SRFBP1: variants seen among roughly 807,000 people sequenced by gnomAD.
SRFBP1 encodes the protein serum response factor-binding protein 1.
Under a neutral mutation model 45.5 loss-of-function variants are expected in SRFBP1, and 47 were observed. That is an observed-to-expected ratio of 1.03 (90% CI 0.82 to 1.32). SRFBP1 has a LOEUF of 1.32. Among genes scored for constraint, SRFBP1 ranks in the 40% most tolerant of loss-of-function variants. The pLI is 0.00. For missense variants in SRFBP1, 621 were observed against 484.6 expected, an observed-to-expected ratio of 1.28 and a Z score of -2.64; for synonymous variants, 203 against 166.3, an observed-to-expected ratio of 1.22 and a Z score of -1.70.
At chr5:121,986,964 G>A (rs548701497) in intron 3 of SRFBP1, among the ~76,000 whole-genome samples, 1 of 152,184 alleles carries the variant, frequency 6.6e-6, no homozygotes, top group Non-Finnish European at 1.5e-5. Flanking sequence ...TTAAATTAGA[G>A]CAGTTAGAGC....
intron 2 of SRFBP1, among the ~76,000 whole-genome samples, chr5:122,061,916 A>G (rs1160714198): frequency 6.6e-6 from 1 of 151,948 alleles, no homozygotes; most frequent in East Asian, 1.9e-4. Flanking sequence ...ATTTATTTTA[A>G]ATACATTCCA....
intron 5 of SRFBP1, 110 bp from the exon 6 acceptor site, chr5:122,019,978 C>A (rs1180606823): frequency 1.5e-6 from 1 of 654,658 alleles, no homozygotes; most frequent in Non-Finnish European, 2.4e-6. Flanking sequence ...AATATCAATT[C>A]CAACTGCCCT....
In SRFBP1 at chr5:122,045,952, T is replaced by TC. The variant is rs542114936; in HGVS notation, n.311+23547dup. 5.4e-4 allele frequency among the ~76,000 whole-genome samples: 82 copies of TC among 152,336 alleles called. 2 individuals are homozygous for TC. The South Asian group carries it at 0.014, about 27-fold the overall frequency. On this transcript the variant is annotated intron_variant and non_coding_transcript_variant, in intron 2 of 2. Coordinates refer to the SRFBP1 transcript ENST00000504881. ...TTTGCCTGCTTTCAAGGGGAATGCT[T>TC]CCAGCTTTTGCTTATTCAGTATGAT...
chr5:122,023,972 A>G (rs901170387), intron 7 of SRFBP1, among the ~76,000 whole-genome samples: 2 of 152,104 alleles, frequency 1.3e-5, no homozygotes, highest in South Asian at 2.1e-4. Context: ...AATTAATCAG[A>G]TTTGGATGGG....
At chr5:121,986,566 GT>G (rs1399732162) in intron 3 of SRFBP1, among the ~76,000 whole-genome samples, 2 of 151,970 alleles carry the variant, frequency 1.3e-5, no homozygotes, top group African/African-American at 4.8e-5. Flanking sequence ...CATGATCAAT[GT>G]GGTTGCGATT....
At chr5:121,985,059 G>A (rs1752484403) in intron 3 of SRFBP1, among the ~76,000 whole-genome samples, 1 of 151,820 alleles carries the variant, frequency 6.6e-6, no homozygotes. Context: ...CTTTGTGTGT[G>A]CCATGTTTGG....
At chr5:122,078,683 G>T (rs576370146), downstream of SRFBP1, among the ~76,000 whole-genome samples, 1 of 152,298 alleles carries the variant, frequency 6.6e-6, no homozygotes, top group Admixed American at 6.5e-5. Flanking sequence ...GGGGAGGATT[G>T]TGACTAAAGT....
downstream of SRFBP1, among the ~76,000 whole-genome samples, chr5:122,030,391 A>G (rs1429673486): frequency 6.6e-6 from 1 of 152,174 alleles, no homozygotes; most frequent in East Asian, 1.9e-4. Context: ...TCATAGTGCA[A>G]ACCAGCAGCC....
intron 4 of SRFBP1, among the ~76,000 whole-genome samples, chr5:122,015,291 C>A (rs1159346570): frequency 6.6e-6 from 1 of 152,144 alleles, no homozygotes; most frequent in Non-Finnish European, 1.5e-5. Flanking sequence ...AATTGTGTTA[C>A]CAATCTGGAA....
At chr5:122,044,679 T>A (rs769694496) in intron 2 of SRFBP1, among the ~76,000 whole-genome samples, 2 of 152,124 alleles carry the variant, frequency 1.3e-5, no homozygotes, top group Non-Finnish European at 2.9e-5. Flanking sequence ...TGTTCATGTC[T>A]CTTACCCATT....
At chr5:121,980,322 T>C (rs992402298) in intron 3 of SRFBP1, among the ~76,000 whole-genome samples, 5 of 152,336 alleles carry the variant, frequency 3.3e-5, no homozygotes, top group Middle Eastern at 6.8e-3. Flanking sequence ...TGTTGAGTTC[T>C]GGCACTTGAT....
intron 7 of SRFBP1, among the ~76,000 whole-genome samples, chr5:122,026,284 G>A (rs370367062): frequency 6.6e-6 from 1 of 152,094 alleles, no homozygotes; most frequent in East Asian, 1.9e-4. Context: ...CGCCAAATAA[G>A]ACTTGGTTCA....
intron 2 of SRFBP1, among the ~76,000 whole-genome samples, chr5:122,058,253 T>A (rs896554526): frequency 3.9e-5 from 6 of 152,178 alleles, no homozygotes; most frequent in African/African-American, 1.4e-4. Context: ...TTTCTTCACA[T>A]GAGCACCATG....
At chr5:122,045,692 T>TA (rs1436908926) in intron 2 of SRFBP1, among the ~76,000 whole-genome samples, 1 of 152,206 alleles carries the variant, frequency 6.6e-6, no homozygotes, top group Non-Finnish European at 1.5e-5. Context: ...TACTGATTTT[T>TA]ATACATTGAT....
At chr5:122,047,346 C>T (rs919659160) in intron 2 of SRFBP1, among the ~76,000 whole-genome samples, 7 of 152,142 alleles carry the variant, frequency 4.6e-5, no homozygotes, top group African/African-American at 1.4e-4. Flanking sequence ...TGTCAAACAT[C>T]AGATGGTTGT....
downstream of SRFBP1, chr5:122,075,575 C>T: frequency 4.2e-6 from 6 of 1,432,470 alleles, no homozygotes; most frequent in Non-Finnish European, 5.7e-6. Flanking sequence ...TTATTATATT[C>T]ATGGAATATT....
intron 2 of SRFBP1, among the ~76,000 whole-genome samples, chr5:122,070,938 T>C (rs1754432554): frequency 6.6e-6 from 1 of 152,176 alleles, no homozygotes; most frequent in African/African-American, 2.4e-5. Flanking sequence ...TTAGCTCAAA[T>C]GTCCTCTTCT....
At chr5:122,057,528 T>A (rs1037272139) in intron 2 of SRFBP1, among the ~76,000 whole-genome samples, 2 of 151,596 alleles carry the variant, frequency 1.3e-5, no homozygotes, top group South Asian at 4.2e-4. Context: ...GGTCTCGCTA[T>A]TTTGCCCAGG....
chr5:122,035,806 C>T (rs903945433), intron 2 of SRFBP1, among the ~76,000 whole-genome samples: 3 of 152,100 alleles, frequency 2.0e-5, no homozygotes, highest in Admixed American at 1.3e-4. Context: ...TACCATAAGC[C>T]TTGAGCTTCC....
Sources: gnomAD v4.1 joint callset for allele counts (sites outside exome capture counted in the v4.1 genomes callset) on GRCh38, gnomAD v4.1.1 for gene constraint, MANE v1.5 for transcripts, NCBI Gene and HGNC (gene_info 2026-07-23, HGNC 2026-07-21) for gene names.